DPP10: variants seen among roughly 807,000 people sequenced by gnomAD.
DPP10 encodes the protein dipeptidyl peptidase like 10, also known as inactive dipeptidyl peptidase 10.
In DPP10, 33 loss-of-function variants were observed where a neutral mutation model predicts 120.9. The observed-to-expected ratio is 0.27, with a 90% CI of 0.21 to 0.37. The LOEUF is 0.37. DPP10 is among the 10% of genes least tolerant of loss of function. The pLI, the probability that DPP10 is intolerant of heterozygous loss-of-function variation, is 1.00. For missense variants in DPP10, 816 were observed against 942.8 expected (o/e 0.87, Z 1.76); for synonymous variants, 337 against 326.1 (o/e 1.03, Z -0.36).
chr2:115,006,350 C>A (rs1701840279), intron 1 of DPP10, among the ~76,000 whole-genome samples: 1 of 151,634 alleles, frequency 6.6e-6, no homozygotes, highest in Admixed American at 6.6e-5. Context: ...ACAACAGGAT[C>A]AAATTCACAC....
chr2:115,255,411 G>A (rs1480999558), intron 1 of DPP10, among the ~76,000 whole-genome samples: 1 of 152,176 alleles, frequency 6.6e-6, no homozygotes, highest in Non-Finnish European at 1.5e-5. Context: ...GCCTGTGATA[G>A]GAGGGGCTGC....
intron 1 of DPP10, among the ~76,000 whole-genome samples, chr2:114,446,177 T>C (rs536915547): frequency 2.0e-5 from 3 of 152,348 alleles, no homozygotes; most frequent in South Asian, 4.1e-4. Context: ...TTCACCATTA[T>C]GGCTTCTCTT....
intron 19 of DPP10, among the ~76,000 whole-genome samples, chr2:115,814,166 A>G (rs1187747396): frequency 3.3e-5 from 5 of 152,142 alleles, no homozygotes; most frequent in Admixed American, 1.3e-4. Flanking sequence ...TCAAACATAT[A>G]TATCTATGCT....
At chr2:115,402,259 A>C (rs2068124696) in intron 3 of DPP10, among the ~76,000 whole-genome samples, 1 of 152,040 alleles carries the variant, frequency 6.6e-6, no homozygotes. Flanking sequence ...CCATTCAGGC[A>C]CTCTTTACAG....
chr2:115,468,853 C>A, intron 3 of DPP10: 1 of 414,346 alleles, frequency 2.4e-6, no homozygotes, highest in South Asian at 2.0e-5. Flanking sequence ...AAGACTGGAG[C>A]ACTCAAGACT....
intron 19 of DPP10, among the ~76,000 whole-genome samples, chr2:115,813,514 G>C (rs1261421855): frequency 6.6e-6 from 1 of 152,106 alleles, no homozygotes; most frequent in Non-Finnish European, 1.5e-5. Flanking sequence ...CTTTTTAAAG[G>C]ACCTATCTCC....
At chr2:115,247,487 A>C (rs539484822) in intron 1 of DPP10, among the ~76,000 whole-genome samples, 210 of 152,242 alleles carry the variant, frequency 1.4e-3, no homozygotes, top group Middle Eastern at 3.4e-3. Context: ...GAGACCCTGA[A>C]ATGAGCAAAA....
chr2:115,303,467 T>TCATC (rs2061230652), intron 1 of DPP10, among the ~76,000 whole-genome samples: 1 of 151,936 alleles, frequency 6.6e-6, no homozygotes, highest in South Asian at 2.1e-4. Context: ...CATTCTCTAC[T>TCATC]TTTAAAAAAA....
intron 1 of DPP10, among the ~76,000 whole-genome samples, chr2:115,213,969 A>G (rs1033469918): frequency 1.3e-5 from 2 of 152,154 alleles, no homozygotes; most frequent in African/African-American, 4.8e-5. Context: ...AATCAGAAAA[A>G]TGCTTTTTTT....
intron 1 of DPP10, among the ~76,000 whole-genome samples, chr2:114,733,874 T>A (rs1677166319): frequency 6.6e-6 from 1 of 152,196 alleles, no homozygotes; most frequent in South Asian, 2.1e-4. Flanking sequence ...CAGTGCCTTG[T>A]GGTACAGCAG....
At chr2:115,352,692 C>T (rs2064114448) in intron 3 of DPP10, among the ~76,000 whole-genome samples, 1 of 152,008 alleles carries the variant, frequency 6.6e-6, no homozygotes, top group South Asian at 2.1e-4. Flanking sequence ...CCTCATTGAG[C>T]ACAAATCTTT....
At chr2:115,224,217 T>C (rs995189328) in intron 1 of DPP10, among the ~76,000 whole-genome samples, 1 of 152,182 alleles carries the variant, frequency 6.6e-6, no homozygotes. Context: ...TAATTGGGGA[T>C]TTGAATGGGC....
intron 5 of DPP10, among the ~76,000 whole-genome samples, chr2:115,658,255 G>C (rs557727151): frequency 1.3e-5 from 2 of 152,012 alleles, no homozygotes; most frequent in Non-Finnish European, 2.9e-5. Flanking sequence ...TAATTGATAT[G>C]CATCTAATAG....
At chr2:114,561,181 C>T (rs914382078) in intron 1 of DPP10, among the ~76,000 whole-genome samples, 1 of 152,154 alleles carries the variant, frequency 6.6e-6, no homozygotes, top group African/African-American at 2.4e-5. Flanking sequence ...ATCCGCAATC[C>T]ACATGTCTGA....
At chr2:115,253,715 G>GTTGGCTCCCAAGGGC (rs1349424247) in intron 1 of DPP10, among the ~76,000 whole-genome samples, 9 of 152,228 alleles carry the variant, frequency 5.9e-5, no homozygotes, top group Non-Finnish European at 1.0e-4. Flanking sequence ...GCTGCAAGGG[G>GTTGGCTCCCAAGGGC]TTGGCTCCCA....
chr2:114,627,548 G>A (rs1394306261), intron 1 of DPP10, among the ~76,000 whole-genome samples: 1 of 152,002 alleles, frequency 6.6e-6, no homozygotes, highest in Admixed American at 6.6e-5. Context: ...GAGCTCTATG[G>A]TCTTACATAA....
intron 1 of DPP10, among the ~76,000 whole-genome samples, chr2:114,545,745 A>G (rs1472515921): frequency 6.6e-6 from 1 of 152,222 alleles, no homozygotes; most frequent in Non-Finnish European, 1.5e-5. Context: ...AACACAGGTT[A>G]AGCACTGCTA....
chr2:115,426,929 A>G (rs993977481), intron 3 of DPP10, among the ~76,000 whole-genome samples: 1 of 152,256 alleles, frequency 6.6e-6, no homozygotes, highest in African/African-American at 2.4e-5. Context: ...ATAAAAATTA[A>G]CTTATTTACT....
intron 1 of DPP10, among the ~76,000 whole-genome samples, chr2:115,137,105 A>C (rs1000182532): frequency 1.3e-5 from 2 of 152,064 alleles, no homozygotes; most frequent in African/African-American, 4.8e-5. Flanking sequence ...GGGAGAGAGG[A>C]GTTGGTGGGA....
Sources: gnomAD v4.1 joint callset for allele counts (sites outside exome capture counted in the v4.1 genomes callset) on GRCh38, gnomAD v4.1.1 for gene constraint, MANE v1.5 for transcripts, NCBI Gene and HGNC (gene_info 2026-07-23, HGNC 2026-07-21) for gene names.